MRPS28: variants seen among roughly 807,000 people sequenced by gnomAD.
MRPS28 encodes the protein small ribosomal subunit protein bS1m.
MRPS28 carries 7 observed loss-of-function variants against 10.8 expected under a neutral mutation model. The observed-to-expected ratio is 0.65, with a 90% CI of 0.37 to 1.22. The LOEUF (loss-of-function observed/expected upper bound fraction) is 1.22, where lower values mean the gene tolerates loss of function less well. MRPS28 is among the 50% of genes most tolerant of loss of function. MRPS28 has a pLI of 0.02. For synonymous variants in MRPS28, 121 were observed against 93.3 expected, an observed-to-expected ratio of 1.30 and a Z score of -1.71; for missense variants, 265 against 232.9, an observed-to-expected ratio of 1.14 and a Z score of -0.90.
At chr8:79,932,951 A>G (rs9298332) in intron 2 of MRPS28, among the ~76,000 whole-genome samples, 120,474 of 152,166 alleles carry the variant, frequency 0.79, 48,015 homozygotes, top group African/African-American at 0.88. Flanking sequence ...TGGAGGTCTG[A>G]CTGTAAGGTG....
At chr8:79,930,337 G>A (rs776729409) in intron 2 of MRPS28, among the ~76,000 whole-genome samples, 13 of 152,084 alleles carry the variant, frequency 8.5e-5, no homozygotes, top group South Asian at 2.1e-4. Flanking sequence ...TTCTGTTCCC[G>A]TGTTACTCTT....
intron 2 of MRPS28, among the ~76,000 whole-genome samples, chr8:80,001,929 G>A (rs1420277855): frequency 6.6e-6 from 1 of 152,030 alleles, no homozygotes; most frequent in Non-Finnish European, 1.5e-5. Context: ...CATGCTGGGA[G>A]TATTTCACAT....
chr8:79,967,025 C>T (rs894331634), intron 2 of MRPS28, among the ~76,000 whole-genome samples: 1 of 152,112 alleles, frequency 6.6e-6, no homozygotes, highest in Non-Finnish European at 1.5e-5. Context: ...TAAAAGCAAT[C>T]TTGATTTGAG....
intron 2 of MRPS28, among the ~76,000 whole-genome samples, chr8:79,950,575 C>T (rs1310313965): frequency 1.3e-5 from 2 of 152,078 alleles, no homozygotes; most frequent in Non-Finnish European, 2.9e-5. Flanking sequence ...CACACAAGCA[C>T]AATTACAAAA....
chr8:79,970,878 A>G (rs962788360), intron 2 of MRPS28, among the ~76,000 whole-genome samples: 2 of 152,252 alleles, frequency 1.3e-5, no homozygotes, highest in African/African-American at 4.8e-5. Flanking sequence ...AGCATGTTTT[A>G]TAAAGAAATA....
rs1293184744 is a variant in MRPS28 at position 80,009,275 on chromosome 8, G to A, written c.214-6095C>T. Among the ~76,000 whole-genome samples, 6 of 152,282 alleles carry A rather than the reference G, an allele frequency of 3.9e-5. No individual in the cohort carries two copies. In the East Asian group the frequency reaches 9.7e-4, roughly 25 times the overall value. On this transcript the variant is annotated intron_variant, in intron 1 of 2. Transcript: ENST00000276585. ...GGAACATCACACAGCAGGGCTTGCT[G>A]TGGGGTGGGGGCAGAGGGGAGGGAT...
intron 2 of MRPS28, among the ~76,000 whole-genome samples, chr8:79,964,128 T>C (rs1019629959): frequency 1.3e-5 from 2 of 151,972 alleles, no homozygotes; most frequent in African/African-American, 4.8e-5. Context: ...GGAACTTAAG[T>C]AATGTAGGCC....
intron 1 of MRPS28, among the ~76,000 whole-genome samples, chr8:80,019,073 G>T (rs1809283100): frequency 6.6e-6 from 1 of 151,920 alleles, no homozygotes; most frequent in South Asian, 2.1e-4. Context: ...TATATAAGGG[G>T]GTGGGGATGG....
intron 2 of MRPS28, among the ~76,000 whole-genome samples, chr8:79,966,523 G>T (rs1177259589): frequency 6.6e-6 from 1 of 151,956 alleles, no homozygotes; most frequent in African/African-American, 2.4e-5. Context: ...AATTATGCTA[G>T]AAATCAATAA....
chr8:79,934,672 A>G (rs1806558263), intron 2 of MRPS28, among the ~76,000 whole-genome samples: 1 of 152,218 alleles, frequency 6.6e-6, no homozygotes, highest in Admixed American at 6.5e-5. Context: ...ATATATGTTA[A>G]ACATTTCACA....
intron 2 of MRPS28, among the ~76,000 whole-genome samples, chr8:79,971,332 GT>G (rs896366668): frequency 6.6e-6 from 1 of 152,152 alleles, no homozygotes; most frequent in East Asian, 1.9e-4. Flanking sequence ...ACACAGAAAG[GT>G]TTTTTTAATT....
In MRPS28 at chr8:80,030,228, G is replaced by A. The variant is rs144261435; in HGVS notation, c.21C>T (p.Thr7=). Residue 7 remains threonine, a synonymous_variant, in exon 1 of 3, where the codon ACC becomes ACT. Transcript: ENST00000276585. ...AATGGCTCTCGGCAGCCACAGCACGGGTCCGACACAGCGCCGCCATGACTT... is the reference window on the plus strand; with the variant it reads ...AATGGCTCTCGGCAGCCACAGCACGAGTCCGACACAGCGCCGCCATGACTT... MAALCR[T]RAVAAESHFL... The A allele has an allele frequency of 3.4e-5, 55 of 1,613,990 alleles. No homozygotes were observed. Among genetic ancestry groups the A allele is most frequent in the East Asian group, 4.5e-5 (2 of 44,886 alleles).
At chr8:80,016,055 T>C (rs1367384040) in intron 1 of MRPS28, among the ~76,000 whole-genome samples, 1 of 152,026 alleles carries the variant, frequency 6.6e-6, no homozygotes. Context: ...TTGGGACAAC[T>C]ACAAAAGGTG....
chr8:79,960,190 A>G (rs1212423585), intron 2 of MRPS28, among the ~76,000 whole-genome samples: 3 of 152,136 alleles, frequency 2.0e-5, no homozygotes, highest in Non-Finnish European at 4.4e-5. Flanking sequence ...GGAAAGCTAG[A>G]TGGGAAAATG....
chr8:79,993,778 A>G (rs1402868198), intron 2 of MRPS28, among the ~76,000 whole-genome samples: 1 of 152,146 alleles, frequency 6.6e-6, no homozygotes, highest in African/African-American at 2.4e-5. Flanking sequence ...CACTTAATTC[A>G]AATTCTTATT....
At chr8:79,981,930 A>C (rs545328804) in intron 2 of MRPS28, among the ~76,000 whole-genome samples, 3 of 152,338 alleles carry the variant, frequency 2.0e-5, no homozygotes, top group Middle Eastern at 3.4e-3. Flanking sequence ...AGGAACACGA[A>C]GTATTCTATT....
At chr8:79,976,530 C>A (rs2130060329) in intron 2 of MRPS28, among the ~76,000 whole-genome samples, 1 of 152,104 alleles carries the variant, frequency 6.6e-6, no homozygotes, top group South Asian at 2.1e-4. Flanking sequence ...CATGGCGAAA[C>A]CCTAGCTCTA....
At chr8:79,964,526 A>C (rs1324318112) in intron 2 of MRPS28, among the ~76,000 whole-genome samples, 4 of 152,104 alleles carry the variant, frequency 2.6e-5, no homozygotes, top group Non-Finnish European at 2.9e-5. Flanking sequence ...ATCTGTATTT[A>C]AGCATATGTG....
chr8:80,016,315 T>C (rs926214498), intron 1 of MRPS28, among the ~76,000 whole-genome samples: 1 of 151,754 alleles, frequency 6.6e-6, no homozygotes, highest in Non-Finnish European at 1.5e-5. Context: ...ACAGCTTTCC[T>C]ACAGAGGAGA....
Sources: gnomAD v4.1 joint callset for allele counts (sites outside exome capture counted in the v4.1 genomes callset) on GRCh38, gnomAD v4.1.1 for gene constraint, MANE v1.5 for transcripts, NCBI Gene and HGNC (gene_info 2026-07-23, HGNC 2026-07-21) for gene names.